PPP4R3A: variants seen among roughly 807,000 people sequenced by gnomAD.
PPP4R3A encodes the protein protein phosphatase 4 regulatory subunit 3A, also known as serine/threonine-protein phosphatase 4 regulatory subunit 3A.
In PPP4R3A, 15 loss-of-function variants were observed where a neutral mutation model predicts 91.7. The ratio of observed to expected loss-of-function variants is 0.16; its 90% CI spans 0.11 to 0.25. The LOEUF (loss-of-function observed/expected upper bound fraction) is 0.25, where lower values mean the gene tolerates loss of function less well. Among genes scored for constraint, PPP4R3A ranks in the 10% least tolerant of loss-of-function variants. The pLI, the probability that PPP4R3A is intolerant of heterozygous loss-of-function variation, is 1.00. For synonymous variants in PPP4R3A, 377 were observed against 348.7 expected, an observed-to-expected ratio of 1.08 and a Z score of -0.91; for missense variants, 623 against 998.4, an observed-to-expected ratio of 0.62 and a Z score of 5.07.
intron 7 of PPP4R3A, chr14:91,475,448 T>C (rs1428632353): frequency 4.9e-6 from 1 of 205,706 alleles, no homozygotes; most frequent in Non-Finnish European, 9.9e-6. Context: ...TTGGCGATTT[T>C]GAGAATCTAC....
At chr14:91,487,057 G>C (rs1026775474) in intron 2 of PPP4R3A, among the ~76,000 whole-genome samples, 2 of 151,666 alleles carry the variant, frequency 1.3e-5, no homozygotes, top group Admixed American at 6.6e-5. Flanking sequence ...GACCAGCCTG[G>C]CCAACAGGTA....
rs763976950 is a variant in PPP4R3A at position 91,461,560 on chromosome 14, C to T, written c.2212G>A (p.Gly738Arg). 3 of 1,613,906 alleles carry T rather than the reference C, an allele frequency of 1.9e-6. No homozygotes were observed. Among genetic ancestry groups the T allele is most frequent in the African/African-American group, 1.3e-5 (1 of 74,916 alleles). The change falls in exon 14 of 15, where the codon GGA becomes AGA. Residue 738 changes from glycine (G) to arginine (R), a missense_variant. Physicochemically the swap from Gly to Arg is moderately radical, Grantham distance 125. Coordinates refer to ENST00000554943, the MANE Select transcript of PPP4R3A (RefSeq NM_001366432.2). Reference protein sequence around the residue: ...KEVLLKTNLSGRQSPSFKLSL... With the variant: ...KEVLLKTNLSRRQSPSFKLSL... ...AGCTTGAAACTTGGGCTCTGCCGTC[C>T]AGAAAGGTTTGTTTTCAGAAGCACT...
intron 7 of PPP4R3A, chr14:91,475,223 G>A (rs1889114799): frequency 3.3e-5 from 5 of 152,096 alleles, no homozygotes; most frequent in Admixed American, 2.6e-4. Context: ...ATAAAGGAGA[G>A]CACACACATT....
chr14:91,475,793 A>G lies in PPP4R3A; in HGVS notation c.1266+18T>C. 1 of 1,595,964 alleles carries G rather than the reference A, an allele frequency of 6.3e-7. No individual in the cohort carries two copies. Among genetic ancestry groups the G allele is most frequent in the Non-Finnish European group, 8.6e-7 (1 of 1,165,712 alleles). Reference sequence around the variant, plus strand: ...TTCCTATGTATAAATACTTACTATTAGTACAAATAATATTTACCTTGCTGG... The same window carrying G: ...TTCCTATGTATAAATACTTACTATTGGTACAAATAATATTTACCTTGCTGG... On this transcript the variant is annotated intron_variant, in intron 7 of 14. Transcript: ENST00000554943.
intron 11 of PPP4R3A, among the ~76,000 whole-genome samples, chr14:91,464,582 C>CT (rs1888366746): frequency 6.6e-6 from 1 of 152,032 alleles, no homozygotes; most frequent in Non-Finnish European, 1.5e-5. Context: ...AACCCTGTCT[C>CT]TAAGAAACAA....
intron 1 of PPP4R3A, 76 bp downstream of exon 1, chr14:91,509,430 A>C: frequency 2.0e-6 from 3 of 1,525,786 alleles, no homozygotes; most frequent in Non-Finnish European, 2.6e-6. Context: ...AGCGAGCGCC[A>C]TGCCCCGCAA....
chr14:91,486,026 G>A (rs1359195451), intron 2 of PPP4R3A, among the ~76,000 whole-genome samples: 1 of 152,072 alleles, frequency 6.6e-6, no homozygotes, highest in African/African-American at 2.4e-5. Flanking sequence ...CGCTATCCGA[G>A]CATACTGACT....
intron 10 of PPP4R3A, among the ~76,000 whole-genome samples, chr14:91,469,116 T>TAAAAAA (rs34445337): frequency 7.5e-6 from 1 of 133,152 alleles, no homozygotes; most frequent in Non-Finnish European, 1.6e-5. Flanking sequence ...ATTTTTTCTG[T>TAAAAAA]AAAAAAAAAA....
At position 91,473,357 on chromosome 14, in the gene PPP4R3A, A is replaced by T; in HGVS notation, c.1280T>A (p.Ile427Asn). 1 of 1,611,696 alleles carries T rather than the reference A, an allele frequency of 6.2e-7. No homozygotes were observed. Among genetic ancestry groups the T allele is most frequent in the Non-Finnish European group, 8.5e-7 (1 of 1,179,432 alleles). Residue 427 changes from isoleucine (I) to asparagine (N), a missense_variant, in exon 8 of 15, where the codon ATC (isoleucine) becomes AAC (asparagine). By Grantham distance (149) the Ile-to-Asn change is moderately radical. Coordinates refer to ENST00000554943, the MANE Select transcript of PPP4R3A (RefSeq NM_001366432.2). ...QKITSKDILLINLIIEHMICD... is the reference protein window; with the variant it reads ...QKITSKDILLNNLIIEHMICD... ...AATCATATGTTCTATAATGAGGTTG[A>T]TGAGCAAAATATCCTGGAGAGAAAA...
intron 4 of PPP4R3A, among the ~76,000 whole-genome samples, chr14:91,478,921 T>A (rs1458680434): frequency 1.3e-5 from 2 of 152,210 alleles, no homozygotes; most frequent in African/African-American, 4.8e-5. Flanking sequence ...CTTATACACC[T>A]GAGGTAAAGT....
chr14:91,462,379 T>G, intron 12 of PPP4R3A, 140 bp from the exon 13 acceptor site: 1 of 909,186 alleles, frequency 1.1e-6, no homozygotes, highest in Non-Finnish European at 1.5e-6. Context: ...TCCAGGTATT[T>G]AGATTAATGT....
chr14:91,507,067 C>T (rs1425090940), intron 1 of PPP4R3A, among the ~76,000 whole-genome samples: 3 of 151,894 alleles, frequency 2.0e-5, no homozygotes, highest in Non-Finnish European at 4.4e-5. Flanking sequence ...GCCTGTAATC[C>T]TAGCACTTTG....
intron 7 of PPP4R3A, chr14:91,474,715 T>C (rs750879616): frequency 6.6e-6 from 1 of 151,986 alleles, no homozygotes; most frequent in Non-Finnish European, 1.5e-5. Flanking sequence ...GTCAAACTCC[T>C]GGTCTTAAGA....
intron 4 of PPP4R3A, among the ~76,000 whole-genome samples, chr14:91,479,537 T>A (rs1171815141): frequency 1.8e-4 from 26 of 142,148 alleles, no homozygotes; most frequent in East Asian, 1.6e-3. Context: ...CTGGCTAATT[T>A]AAAAAAAAAA....
chr14:91,473,193 C>T lies in PPP4R3A; in HGVS notation c.1398+46G>A, dbSNP rs781718993. The T allele has an allele frequency of 3.7e-6, 6 of 1,612,810 alleles. No individual in the cohort carries two copies. In the Admixed American group the frequency reaches 6.7e-5, roughly 18 times the overall value. ...ACCACACTGGTTCCTACCAGCAATA[C>T]ACAATATACTAGCTATGAAAAAGAG... On this transcript the variant is annotated intron_variant, in intron 8 of 14. Transcript: ENST00000554943.
chr14:91,507,455 A>ATAG (rs1566660501), intron 1 of PPP4R3A, among the ~76,000 whole-genome samples: 1 of 134,282 alleles, frequency 7.4e-6, no homozygotes, highest in African/African-American at 2.7e-5. Flanking sequence ...TATATAGTAT[A>ATAG]TATACTATAA....
intron 1 of PPP4R3A, among the ~76,000 whole-genome samples, chr14:91,498,724 C>G (rs1188055236): frequency 6.6e-6 from 1 of 151,580 alleles, no homozygotes; most frequent in Non-Finnish European, 1.5e-5. Context: ...ACCATCCTGG[C>G]TAACACGGTG....
chr14:91,485,602 G>C (rs1889832053), intron 3 of PPP4R3A, 30 bp downstream of exon 3: 1 of 1,480,616 alleles, frequency 6.8e-7, no homozygotes, highest in African/African-American at 1.4e-5. Context: ...CTTAAAGAAA[G>C]CATGTTGATT....
chr14:91,481,921 G>A lies in PPP4R3A; in HGVS notation c.570C>T (p.His190=). The change falls in exon 4 of 15, where the codon CAC becomes CAT. Residue 190 remains histidine, a synonymous_variant. Transcript: ENST00000554943. ...CEDLENIEGL[H]HLYEIIKGIF... is the part of the protein sequence containing the mutation. ...TGCCTTTGATAATTTCATACAAGTG[G>A]TGCAGTCCTTCAATATTTTCCAAAT... 1 of 1,613,940 alleles carries A rather than the reference G, an allele frequency of 6.2e-7. No individual in the cohort carries two copies. Among genetic ancestry groups the A allele is most frequent in the Non-Finnish European group, 8.5e-7 (1 of 1,180,004 alleles).
Sources: allele counts gnomAD v4.1 joint callset (sites outside exome capture counted in the v4.1 genomes callset), GRCh38; gene constraint gnomAD v4.1.1; transcripts MANE v1.5; gene names NCBI Gene and HGNC (gene_info 2026-07-23, HGNC 2026-07-21).